Variants in OTOG observed in about 807,000 individuals in gnomAD.
OTOG encodes otogelin.
In OTOG, 296 loss-of-function variants were observed where a neutral mutation model predicts 313.8. The observed-to-expected ratio is 0.94, with a 90% CI of 0.86 to 1.04. The LOEUF (loss-of-function observed/expected upper bound fraction) is 1.04, where lower values mean the gene tolerates loss of function less well. OTOG is among the 50% of genes least tolerant of loss of function. The pLI is 0.00. For synonymous variants in OTOG, 1,533 were observed against 1,554.9 expected (o/e 0.99, Z 0.33); for missense variants, 3,948 against 3,840.1 (o/e 1.03, Z -0.74).
intron 39 of OTOG, among the ~76,000 whole-genome samples, chr11:17,620,931 A>G (rs1173740656): frequency 6.6e-6 from 1 of 152,148 alleles, no homozygotes; most frequent in Non-Finnish European, 1.5e-5. Flanking sequence ...GATATTTTTC[A>G]TCTGCACAAG....
intron 47 of OTOG, among the ~76,000 whole-genome samples, 191 bp downstream of exon 47, chr11:17,635,902 G>A (rs1854254547): frequency 6.6e-6 from 1 of 152,208 alleles, no homozygotes; most frequent in Non-Finnish European, 1.5e-5. Flanking sequence ...TGTCAGGCTG[G>A]AGGGTGGGAG....
intron 7 of OTOG, 58 bp downstream of exon 7, chr11:17,555,955 T>C (rs1025725743): frequency 5.7e-5 from 76 of 1,328,484 alleles, no homozygotes; most frequent in Non-Finnish European, 7.6e-5. Flanking sequence ...TGGTGGTGGA[T>C]GGGTGAGCAT....
intron 49 of OTOG, 118 bp downstream of exon 49, chr11:17,639,581 T>C: frequency 9.3e-7 from 1 of 1,076,602 alleles, no homozygotes; most frequent in Admixed American, 2.2e-5. Context: ...GGGTTGCAAG[T>C]CAGCATTCTT....
intron 10 of OTOG, among the ~76,000 whole-genome samples, 161 bp downstream of exon 10, chr11:17,558,805 T>G (rs1289337688): frequency 6.6e-6 from 1 of 152,180 alleles, no homozygotes; most frequent in East Asian, 1.9e-4. Context: ...CCCATTCAAC[T>G]GAGGCTTGGA....
At chr11:17,625,945 A>T (rs1429170238) in intron 39 of OTOG, among the ~76,000 whole-genome samples, 1 of 149,980 alleles carries the variant, frequency 6.7e-6, no homozygotes, top group African/African-American at 2.4e-5. Flanking sequence ...TCTTAGATTT[A>T]AGTCTTTAAT....
chr11:17,552,122 C>G, intron 4 of OTOG, 47 bp downstream of exon 4: 1 of 1,530,684 alleles, frequency 6.5e-7, no homozygotes, highest in Non-Finnish European at 8.9e-7. Flanking sequence ...ATGGGAGAGC[C>G]CTGGCAGAGG....
At position 17,610,857 on chromosome 11, in the gene OTOG, C is replaced by G. The variant is rs1198287048; in HGVS notation, c.5557C>G (p.Pro1853Ala). The G allele has an allele frequency of 6.4e-7, 1 of 1,550,942 alleles. No individual in the cohort carries two copies. The highest frequency in any genetic ancestry group is 1.4e-5 in the African/African-American group (1 of 73,166). ...QTLSPVLPFT[P>A]AAMTQAHPPT... is the part of the protein sequence containing the mutation. ...ACTTAGCCCAGTACTGCCTTTCACT[C>G]CAGCAGCAATGACCCAGGCGCACCC... Residue 1853 changes from proline to alanine, a missense_variant, in exon 36 of 56, where the codon CCA (proline) becomes GCA (alanine). Coordinates refer to ENST00000399397, the MANE Select transcript of OTOG (RefSeq NM_001292063.2).
chr11:17,585,590 T>A (rs1852774131), intron 23 of OTOG, among the ~76,000 whole-genome samples: 1 of 152,212 alleles, frequency 6.6e-6, no homozygotes, highest in South Asian at 2.1e-4. Context: ...AACTTTGACT[T>A]TAATCCCTTC....
At position 17,631,758 on chromosome 11, in the gene OTOG, G is replaced by A. The variant is rs532742947; in HGVS notation, c.6769G>A (p.Gly2257Ser). ...DLTLKDGSVV[G>S]GAEDPAPFLD... is the part of the protein sequence containing the mutation. ...TACCCTGAAGGATGGCTCAGTGGTG[G>A]GTGGGGCTGAGGACCCTGCTCCCTT... Residue 2257 changes from glycine (G) to serine (S), a missense_variant, in exon 41 of 56, where the codon GGT (glycine) becomes AGT (serine). Physicochemically the swap from Gly to Ser is moderately conservative, Grantham distance 56. Transcript: ENST00000399397. The A allele has an allele frequency of 1.3e-6, 2 of 1,550,494 alleles. No homozygotes were observed. Among genetic ancestry groups the A allele is most frequent in the African/African-American group, 1.4e-5 (1 of 73,048 alleles).
intron 37 of OTOG, 137 bp from the exon 38 acceptor site, chr11:17,612,483 C>A (rs543311097): frequency 4.4e-6 from 6 of 1,378,512 alleles, no homozygotes; most frequent in Non-Finnish European, 5.8e-6. Context: ...CTGTGTGATG[C>A]GTGGTCTGAG....
intron 17 of OTOG, among the ~76,000 whole-genome samples, chr11:17,570,774 G>A (rs1332749154): frequency 1.3e-5 from 2 of 152,132 alleles, no homozygotes; most frequent in Non-Finnish European, 2.9e-5. Flanking sequence ...GACTGATTTG[G>A]CTCATGGTTT....
At chr11:17,605,051 T>G (rs1231746093) in intron 32 of OTOG, among the ~76,000 whole-genome samples, 2 of 152,204 alleles carry the variant, frequency 1.3e-5, no homozygotes, top group African/African-American at 4.8e-5. Context: ...CACACCTCGT[T>G]GATGATCCCT....
chr11:17,639,566 A>G, intron 49 of OTOG, 103 bp downstream of exon 49: 1 of 1,243,372 alleles, frequency 8.0e-7, no homozygotes, highest in Non-Finnish European at 1.1e-6. Context: ...AGTGCAAGGA[A>G]CCCGGGGTTG....
intron 23 of OTOG, among the ~76,000 whole-genome samples, chr11:17,583,882 A>C (rs937341973): frequency 6.6e-5 from 10 of 152,328 alleles, no homozygotes; most frequent in Non-Finnish European, 1.3e-4. Context: ...ACTGTGTTGA[A>C]TTTATAGATC....
chr11:17,580,972 C>T (rs1171196346), intron 23 of OTOG, among the ~76,000 whole-genome samples: 1 of 152,066 alleles, frequency 6.6e-6, no homozygotes, highest in Non-Finnish European at 1.5e-5. Context: ...GTATAAATCC[C>T]CAGGGACAAA....
In OTOG at chr11:17,570,337, G is replaced by A. The variant is rs1852377215; in HGVS notation, c.1902G>A (p.Glu634=). 1.3e-6 allele frequency: 2 copies of A among 1,550,680 alleles called. No individual in the cohort carries two copies. Among genetic ancestry groups the A allele is most frequent in the Admixed American group, 2.0e-5 (1 of 51,010 alleles). ...TGCAAGTGGACCAGCGATGGGTGGA[G>A]GATACCGTGGGCCTCTGCGGCACCT... ...LYLQVDQRWV[E]DTVGLCGTFN... Residue 634 remains glutamate, a synonymous_variant, in exon 17 of 56, where the codon GAG becomes GAA. Coordinates refer to ENST00000399397, the MANE Select transcript of OTOG (RefSeq NM_001292063.2).
chr11:17,559,098 G>C lies in OTOG; in HGVS notation c.1150G>C (p.Ala384Pro), dbSNP rs1224143982. ...ATWCRALAEYARACAQAGRPL... is the reference protein window; with the variant it reads ...ATWCRALAEYPRACAQAGRPL... ...CTGGTGCCGGGCACTGGCGGAGTAT[G>C]CCCGGGCGTGTGCCCAGGCAGGGCG... is the stretch of plus-strand genomic sequence containing the variant. Residue 384 changes from alanine to proline, a missense_variant, in exon 11 of 56, where the codon GCC (alanine) becomes CCC (proline). Physicochemically the swap from Ala to Pro is conservative, Grantham distance 27. Transcript: ENST00000399397. The C allele has an allele frequency of 6.5e-7, 1 of 1,546,160 alleles. No homozygotes were observed. Among genetic ancestry groups the C allele is most frequent in the East Asian group, 2.4e-5 (1 of 40,908 alleles).
Position 17,547,450 on chromosome 11 carries a change from GC to G in OTOG, c.79del (p.Arg27GlyfsTer193). 1 of 1,379,878 alleles carries G rather than the reference GC, an allele frequency of 7.2e-7. No individual in the cohort carries two copies. Among genetic ancestry groups the G allele is most frequent in the Non-Finnish European group, 9.3e-7 (1 of 1,072,598 alleles). The allele number at this position is 1,379,878 out of a possible 1,614,324, so 85.5% of individuals were successfully genotyped here. Reference sequence around the variant, plus strand: ...GGGGTGAGCAGGCAGCCGAGTCCCTGCGGGTGCAGCGCCTCGGTGAGAGGGT... The same window carrying G: ...GGGGTGAGCAGGCAGCCGAGTCCCTGGGGTGCAGCGCCTCGGTGAGAGGGT... Reference protein sequence around the residue: ...PWGEQAAESLRVQRLAAAPVL... With the variant: ...PWGEQAAESLXVQRLAAAPVL... On this transcript the variant is annotated frameshift_variant, in exon 1 of 56. Coordinates refer to ENST00000399397, the MANE Select transcript of OTOG (RefSeq NM_001292063.2). LOFTEE classifies it high-confidence loss of function.
chr11:17,619,549 CT>C (rs886125791), intron 39 of OTOG, among the ~76,000 whole-genome samples: 2 of 151,130 alleles, frequency 1.3e-5, no homozygotes, highest in East Asian at 1.9e-4. Flanking sequence ...ATTGTCTGTA[CT>C]TTTTTTTTCT....
Sources: allele counts gnomAD v4.1 joint callset (sites outside exome capture counted in the v4.1 genomes callset), GRCh38; gene constraint gnomAD v4.1.1; transcripts MANE v1.5; gene names NCBI Gene and HGNC (gene_info 2026-07-23, HGNC 2026-07-21).